The following SUMF1 variants were observed in gnomAD, a reference collection of about 807,000 sequenced individuals.
SUMF1 encodes the protein sulfatase modifying factor 1.
A neutral mutation model predicts 47.6 loss-of-function variants in SUMF1; 48 were observed. That is an observed-to-expected ratio of 1.01 (90% CI 0.80 to 1.28). SUMF1 has a LOEUF of 1.28. Ranked by LOEUF, SUMF1 falls within the 50% of genes most tolerant of loss-of-function variation. The pLI is 0.00. For missense variants in SUMF1, 571 were observed against 485.4 expected (o/e 1.18, Z -1.66); for synonymous variants, 230 against 192.1 (o/e 1.20, Z -1.63).
At chr3:4,331,198 C>G (rs556504539) in intron 8 of SUMF1, among the ~76,000 whole-genome samples, 44 of 148,406 alleles carry the variant, frequency 3.0e-4, no homozygotes, top group Admixed American at 6.1e-4. Flanking sequence ...GTAGTTTTAT[C>G]TGTCCTTTTT....
At chr3:4,172,756 A>G (rs949569944) in intron 8 of SUMF1, among the ~76,000 whole-genome samples, 1 of 152,032 alleles carries the variant, frequency 6.6e-6, no homozygotes, top group Non-Finnish European at 1.5e-5. Context: ...GATTCCGGAT[A>G]TTAGCCCTTT....
chr3:4,392,611 GTGTGTA>G (rs1188164518), intron 7 of SUMF1, among the ~76,000 whole-genome samples: 8 of 127,758 alleles, frequency 6.3e-5, no homozygotes, highest in African/African-American at 1.7e-4. Context: ...GTGTGTGTGT[GTGTGTA>G]TATATATATA....
At chr3:4,354,423 T>C (rs1699573830) in intron 8 of SUMF1, among the ~76,000 whole-genome samples, 2 of 150,884 alleles carry the variant, frequency 1.3e-5, no homozygotes, top group South Asian at 4.2e-4. Context: ...ACAAATGACT[T>C]TTCCATTGGT....
chr3:4,192,246 G>A (rs1227437612), intron 8 of SUMF1, among the ~76,000 whole-genome samples: 1 of 152,024 alleles, frequency 6.6e-6, no homozygotes, highest in African/African-American at 2.4e-5. Context: ...AAGATGATAA[G>A]AGCATTAAAT....
intron 1 of SUMF1, among the ~76,000 whole-genome samples, chr3:4,460,621 T>TGG (rs1553591138): frequency 6.8e-6 from 1 of 148,042 alleles, no homozygotes; most frequent in African/African-American, 2.5e-5. Context: ...TGTGTGTGTG[T>TGG]GTGAGAGTGT....
At position 4,467,075 on chromosome 3, in the gene SUMF1, C is replaced by T; in HGVS notation, c.171G>A (p.Arg57=). Residue 57 remains arginine (R), a synonymous_variant, in exon 1 of 9, where the codon CGG becomes CGA. Transcript: ENST00000272902. ...CTGCCGAACTGCCATGGGCGCCAGG[C>T]CGCTGGGGCGTGCCGCAGCCGCAAG... The part of the protein sequence containing the change: ...AGSCGCGTPQ[R]PGAHGSSAAA... 6.4e-7 allele frequency: 1 copy of T among 1,564,682 alleles called. No individual in the cohort carries two copies. The highest frequency in any genetic ancestry group is 1.9e-5 in the Admixed American group (1 of 52,794).
chr3:4,287,406 G>A (rs201745999), intron 8 of SUMF1, among the ~76,000 whole-genome samples: 1 of 100,862 alleles, frequency 9.9e-6, no homozygotes, highest in African/African-American at 4.6e-5. Flanking sequence ...AACATAAATT[G>A]TAAAAAAAAA....
At position 4,441,248 on chromosome 3, in the gene SUMF1, G is replaced by A. The variant is rs1250202306; in HGVS notation, c.519+8018C>T. On this transcript the variant is annotated intron_variant, in intron 3 of 8. Transcript: ENST00000272902. ...TGTGAAGAGCTCATGTGAGGGATCT[G>A]GGTTGCTGGCTCCTTGTAAGAATCT... Among the ~76,000 whole-genome samples the A allele has an allele frequency of 2.0e-5, 3 of 152,104 alleles. No individual in the cohort carries two copies. The South Asian group carries it at 6.2e-4, about 32-fold the overall frequency.
In SUMF1 at chr3:4,111,085, A is replaced by G. The variant is rs557248330; in HGVS notation, c.1015-42340T>C. On this transcript the variant is annotated intron_variant and NMD_transcript_variant, in intron 8 of 12. Coordinates refer to the SUMF1 transcript ENST00000448413. Reference sequence around the variant, plus strand: ...CAAAGTCAGCATTTTTTTTAATGAAATGATTAAGAAAGAAAATACACCCCT... The same window carrying G: ...CAAAGTCAGCATTTTTTTTAATGAAGTGATTAAGAAAGAAAATACACCCCT... Among the ~76,000 whole-genome samples the G allele has an allele frequency of 3.9e-3, 600 of 151,914 alleles. 9 individuals are homozygous for G. The highest frequency in any genetic ancestry group is 0.013 in the African/African-American group (541 of 41,408).
intron 8 of SUMF1, among the ~76,000 whole-genome samples, chr3:4,317,936 T>C (rs968874129): frequency 2.0e-5 from 3 of 152,192 alleles, no homozygotes; most frequent in East Asian, 3.8e-4. Context: ...TAGGATATAA[T>C]GTCCTTCAAA....
intron 1 of SUMF1, among the ~76,000 whole-genome samples, chr3:4,464,429 T>TGA (rs2079889778): frequency 6.6e-6 from 1 of 151,888 alleles, no homozygotes; most frequent in Non-Finnish European, 1.5e-5. Context: ...TGTGTGTGTG[T>TGA]GTGAGAGAGA....
chr3:4,305,641 TCTTCC>T (rs1698162542), intron 8 of SUMF1, among the ~76,000 whole-genome samples: 2 of 152,188 alleles, frequency 1.3e-5, no homozygotes, highest in Non-Finnish European at 2.9e-5. Context: ...TATTTTGATT[TCTTCC>T]CTTATTTGTT....
At chr3:4,394,388 G>C (rs1287977651) in intron 7 of SUMF1, among the ~76,000 whole-genome samples, 1 of 152,070 alleles carries the variant, frequency 6.6e-6, no homozygotes, top group Non-Finnish European at 1.5e-5. Context: ...AAAGTCCTGG[G>C]CTCAAGTGAT....
intron 8 of SUMF1, among the ~76,000 whole-genome samples, chr3:4,367,099 C>A (rs532007244): frequency 6.6e-6 from 1 of 152,016 alleles, no homozygotes; most frequent in Non-Finnish European, 1.5e-5. Context: ...GAGGAGTACC[C>A]GGCCGTGTGA....
chr3:4,258,713 C>T lies in SUMF1; in HGVS notation c.1014+117617G>A, dbSNP rs1175547059. ...TGTGGAAGTCAGTGTGGTGATTCCT[C>T]AGGGATCTAGAACTAGAAATACCAT... On this transcript the variant is annotated intron_variant and NMD_transcript_variant, in intron 8 of 12. Transcript: ENST00000448413. 4.8e-5 allele frequency among the ~76,000 whole-genome samples: 7 copies of T among 145,350 alleles called. No homozygotes were observed. The East Asian group carries it at 1.2e-3, about 25-fold the overall frequency.
chr3:4,357,859 C>A (rs1026665271), downstream of SUMF1, among the ~76,000 whole-genome samples: 4 of 151,966 alleles, frequency 2.6e-5, no homozygotes, highest in Admixed American at 6.6e-5. Flanking sequence ...CCACCCGCCT[C>A]GGCCTCCCAA....
chr3:4,170,555 G>A (rs1279559352), intron 8 of SUMF1, among the ~76,000 whole-genome samples: 2 of 152,152 alleles, frequency 1.3e-5, no homozygotes, highest in Non-Finnish European at 2.9e-5. Flanking sequence ...AACACAGTTG[G>A]AAGATTTACA....
chr3:4,158,033 A>G (rs1165924608), intron 8 of SUMF1, among the ~76,000 whole-genome samples: 1 of 151,642 alleles, frequency 6.6e-6, no homozygotes, highest in East Asian at 1.9e-4. Flanking sequence ...TAATTGCTAG[A>G]CAACCCAAGA....
intron 6 of SUMF1, 133 bp downstream of exon 6, chr3:4,416,995 C>T (rs114030216): frequency 7.5e-6 from 6 of 797,616 alleles, no homozygotes; most frequent in South Asian, 2.7e-5. Flanking sequence ...GTATTTGCTA[C>T]GTGCAACAGT....
Sources: allele counts gnomAD v4.1 joint callset (sites outside exome capture counted in the v4.1 genomes callset), GRCh38; gene constraint gnomAD v4.1.1; transcripts MANE v1.5; gene names NCBI Gene and HGNC (gene_info 2026-07-23, HGNC 2026-07-21).